KIAA1328: variants seen among roughly 807,000 people sequenced by gnomAD.
The protein encoded by KIAA1328 is protein hinderin.
KIAA1328 carries 52 observed loss-of-function variants against 68.1 expected under a neutral mutation model. That is an observed-to-expected ratio of 0.76 (90% CI 0.61 to 0.96). KIAA1328 has a LOEUF of 0.96. Among genes scored for constraint, KIAA1328 ranks in the 40% least tolerant of loss-of-function variants. The pLI is 0.00. For missense variants in KIAA1328, 641 were observed against 677.6 expected (o/e 0.95, Z 0.60); for synonymous variants, 232 against 239.4 (o/e 0.97, Z 0.28).
chr18:37,204,102 G>A (rs761655074), intron 9 of KIAA1328, among the ~76,000 whole-genome samples: 15 of 152,122 alleles, frequency 9.9e-5, no homozygotes, highest in African/African-American at 2.9e-4. Flanking sequence ...GAGCCACCAC[G>A]CCTGGCCGGT....
intron 4 of KIAA1328, among the ~76,000 whole-genome samples, chr18:36,847,790 T>A (rs1434395479): frequency 6.6e-6 from 1 of 151,618 alleles, no homozygotes; most frequent in Non-Finnish European, 1.5e-5. Context: ...CTTTTAGTGC[T>A]CTATATATGA....
intron 3 of KIAA1328, among the ~76,000 whole-genome samples, chr18:36,837,004 A>G (rs904425852): frequency 2.6e-5 from 4 of 152,154 alleles, no homozygotes; most frequent in African/African-American, 4.8e-5. Context: ...TTATCCATTT[A>G]TCAGTCAATG....
intron 6 of KIAA1328, among the ~76,000 whole-genome samples, chr18:37,018,979 T>A (rs1175235166): frequency 1.3e-5 from 2 of 152,178 alleles, no homozygotes; most frequent in Admixed American, 1.3e-4. Flanking sequence ...TCAGTACTTT[T>A]GTGGTATCAT....
intron 6 of KIAA1328, among the ~76,000 whole-genome samples, chr18:36,967,774 A>G (rs1598847745): frequency 6.6e-6 from 1 of 152,138 alleles, no homozygotes; most frequent in Admixed American, 6.6e-5. Context: ...GGACTTGTTC[A>G]TGGCCTTCAG....
chr18:36,874,745 G>A (rs890602435), intron 4 of KIAA1328, among the ~76,000 whole-genome samples: 2 of 152,154 alleles, frequency 1.3e-5, no homozygotes, highest in Non-Finnish European at 2.9e-5. Context: ...TTTTAGTCAT[G>A]AAGGCTTTGC....
chr18:36,861,204 T>A (rs1024819744), intron 4 of KIAA1328, among the ~76,000 whole-genome samples: 1 of 152,162 alleles, frequency 6.6e-6, no homozygotes, highest in Admixed American at 6.5e-5. Flanking sequence ...AGAGTACTAG[T>A]CAGATATTTT....
At chr18:37,149,245 CA>C (rs2058975366) in intron 7 of KIAA1328, among the ~76,000 whole-genome samples, 1 of 152,046 alleles carries the variant, frequency 6.6e-6, no homozygotes, top group African/African-American at 2.4e-5. Flanking sequence ...ATAGAAGACA[CA>C]GAAATAAGAC....
intron 5 of KIAA1328, among the ~76,000 whole-genome samples, chr18:36,945,749 G>C (rs983168506): frequency 2.0e-4 from 30 of 152,282 alleles, no homozygotes; most frequent in African/African-American, 7.2e-4. Context: ...ATGCTTAAAA[G>C]TGTGGGTGGG....
intron 7 of KIAA1328, among the ~76,000 whole-genome samples, chr18:37,152,802 G>C (rs2059066261): frequency 6.6e-6 from 1 of 152,066 alleles, no homozygotes; most frequent in African/African-American, 2.4e-5. Context: ...CCTCAGTAAG[G>C]CTTCCCTTTT....
rs545070830 is a variant in KIAA1328, at chr18:36,876,139, C to T, written c.333-9418C>T. On this transcript the variant is annotated intron_variant, in intron 4 of 9. Transcript: ENST00000280020. ...GGCGTGAAATTTTCTTTTTTTGTTG[C>T]GTCTCTGCCAGGTTTTGGTATCAGG... Among the ~76,000 whole-genome samples the T allele has an allele frequency of 5.9e-3, 897 of 151,956 alleles. 11 individuals carry two copies. The highest frequency in any genetic ancestry group is 0.02 in the African/African-American group (828 of 41,480).
chr18:37,191,473 A>G (rs2059903379), intron 9 of KIAA1328, among the ~76,000 whole-genome samples: 1 of 152,152 alleles, frequency 6.6e-6, no homozygotes, highest in Non-Finnish European at 1.5e-5. Context: ...ATCATATTTG[A>G]GTCAGAGGTA....
chr18:37,034,756 C>T (rs994588007), intron 6 of KIAA1328, among the ~76,000 whole-genome samples: 1 of 152,052 alleles, frequency 6.6e-6, no homozygotes, highest in African/African-American at 2.4e-5. Flanking sequence ...TCTTTGTATT[C>T]TTGTCATAAA....
intron 7 of KIAA1328, among the ~76,000 whole-genome samples, chr18:37,078,252 G>T (rs960605305): frequency 6.6e-6 from 1 of 152,140 alleles, no homozygotes; most frequent in Non-Finnish European, 1.5e-5. Context: ...TTAATAAATG[G>T]TGCTGGGAAA....
intron 6 of KIAA1328, among the ~76,000 whole-genome samples, chr18:37,005,627 A>G (rs1029417641): frequency 1.6e-4 from 25 of 152,246 alleles, no homozygotes; most frequent in Admixed American, 1.1e-3. Context: ...AAAGAAATCA[A>G]TATATCAAAG....
Position 37,224,384 on chromosome 18 carries a change from T to C in KIAA1328, c.*2157T>C, listed in dbSNP as rs1321722111. 1.0e-6 allele frequency: 1 copy of C among 985,368 alleles called. No individual in the cohort carries two copies. The highest frequency in any genetic ancestry group is 1.2e-6 in the Non-Finnish European group (1 of 829,922). The allele number at this position is 985,368 out of a possible 1,614,324, so 61.0% of individuals were successfully genotyped here. ...TATTGCTTCTTTGCCTCTCCATGAATGGCCAATTTGGAAAAGCAGAGATGG... is the reference window on the plus strand; with the variant it reads ...TATTGCTTCTTTGCCTCTCCATGAACGGCCAATTTGGAAAAGCAGAGATGG... On this transcript the variant is annotated 3_prime_UTR_variant, in exon 10 of 10. Coordinates refer to ENST00000280020, the MANE Select transcript of KIAA1328 (RefSeq NM_020776.3).
At chr18:36,861,766 T>C (rs574535416) in intron 4 of KIAA1328, among the ~76,000 whole-genome samples, 1 of 152,244 alleles carries the variant, frequency 6.6e-6, no homozygotes, top group Non-Finnish European at 1.5e-5. Flanking sequence ...CCTCCTGGCC[T>C]CAAGCATTCC....
intron 9 of KIAA1328, among the ~76,000 whole-genome samples, chr18:37,185,742 T>TAC (rs1337017584): frequency 2.7e-5 from 4 of 147,058 alleles, no homozygotes; most frequent in African/African-American, 7.8e-5. Context: ...CACACACACG[T>TAC]ACACACACAC....
At chr18:37,114,631 C>G (rs2058046955) in intron 7 of KIAA1328, among the ~76,000 whole-genome samples, 1 of 152,136 alleles carries the variant, frequency 6.6e-6, no homozygotes, top group East Asian at 1.9e-4. Context: ...CATTCAAAAG[C>G]TAGCAGAAGG....
intron 5 of KIAA1328, among the ~76,000 whole-genome samples, chr18:36,918,921 T>A (rs2049815380): frequency 6.6e-6 from 1 of 152,194 alleles, no homozygotes; most frequent in African/African-American, 2.4e-5. Flanking sequence ...TGTGTTTAGA[T>A]ACTCTGTATA....
Sources: gnomAD v4.1 joint callset for allele counts (sites outside exome capture counted in the v4.1 genomes callset) on GRCh38, gnomAD v4.1.1 for gene constraint, MANE v1.5 for transcripts, NCBI Gene and HGNC (gene_info 2026-07-23, HGNC 2026-07-21) for gene names.